The following PNMA1 variants were observed in gnomAD, a reference collection of about 807,000 sequenced individuals.
PNMA1 encodes the protein PNMA family member 1.
In PNMA1, 21 loss-of-function variants were observed where a neutral mutation model predicts 26.1. That is an observed-to-expected ratio of 0.80 (90% CI 0.57 to 1.16). The LOEUF (loss-of-function observed/expected upper bound fraction) is 1.16. PNMA1 is among the 50% of genes most tolerant of loss of function. PNMA1 has a pLI of 0.00. For synonymous variants in PNMA1, 189 were observed against 177.3 expected (o/e 1.07, Z -0.52); for missense variants, 435 against 437.3 (o/e 0.99, Z 0.05).
At position 73,712,736 on chromosome 14, in the gene PNMA1, C is replaced by T. The variant is rs2052829589; in HGVS notation, c.904G>A (p.Gly302Arg). The change falls in exon 1 of 1, where the codon GGG (glycine) becomes AGG (arginine). Residue 302 changes from glycine to arginine, a missense_variant. Coordinates refer to ENST00000316836, the MANE Select transcript of PNMA1 (RefSeq NM_006029.5). The stretch of plus-strand genomic sequence containing the variant: ...AGCCACAGCTGCCTTCGGATGGCCC[C>T]GCTGTGGTTGGCCCCGGCAATGACC... ...EQVIAGANHSGAIRRQLWLTG... is the reference protein window; with the variant it reads ...EQVIAGANHSRAIRRQLWLTG... 1 of 1,614,188 alleles carries T rather than the reference C, an allele frequency of 6.2e-7. No homozygotes were observed. Among genetic ancestry groups the T allele is most frequent in the Admixed American group, 1.7e-5 (1 of 60,034 alleles).
In PNMA1 at chr14:73,712,523, G is replaced by T; in HGVS notation, c.*55C>A. 4.8e-6 allele frequency: 6 copies of T among 1,237,424 alleles called. No homozygotes were observed. In the South Asian group the frequency reaches 8.4e-5, roughly 17 times the overall value. 76.7% of individuals were successfully genotyped at this position (1,237,424 alleles called of 1,614,324 possible). A position where few individuals can be genotyped will look rare whatever the true frequency, so the allele number is the denominator to read the frequency against. On this transcript the variant is annotated 3_prime_UTR_variant, in exon 1 of 1. Coordinates refer to ENST00000316836, the MANE Select transcript of PNMA1 (RefSeq NM_006029.5). The stretch of plus-strand genomic sequence containing the variant: ...GAGACACATCTGTAAGACCCCACAG[G>T]GACAAGAAAAGTAGCTGTGATCTAG...
rs778615637 is a variant in PNMA1 at position 73,712,746 on chromosome 14, G to A, written c.894C>T (p.Ala298=). ...GCCTTCGGATGGCCCCGCTGTGGTTGGCCCCGGCAATGACCTGCTCTAGGC... is the reference window on the plus strand; with the variant it reads ...GCCTTCGGATGGCCCCGCTGTGGTTAGCCCCGGCAATGACCTGCTCTAGGC... ...QARLEQVIAG[A]NHSGAIRRQL... is the part of the protein sequence containing the mutation. Residue 298 remains alanine (A), a synonymous_variant, in exon 1 of 1, where the codon GCC becomes GCT. Transcript: ENST00000316836. 5 of 1,614,100 alleles carry A rather than the reference G, an allele frequency of 3.1e-6. No homozygotes were observed. In the African/African-American group the frequency reaches 6.7e-5, roughly 22 times the overall value.
rs1292581864 is a variant in PNMA1 at position 73,713,309 on chromosome 14, T to C, written c.331A>G (p.Arg111Gly). The change falls in exon 1 of 1, where the codon AGA becomes GGA. Residue 111 changes from arginine (R) to glycine (G), a missense_variant. Arg to Gly is a moderately radical substitution (Grantham distance 125, BLOSUM62 -2). Transcript: ENST00000316836. ...FLERLHLFLA[R>G]EGWTVQDVAR... ...ACATCTTGCACGGTCCACCCCTCTC[T>C]AGCTAGGAAGAGGTGCAATCTTTCT... The C allele has an allele frequency of 6.2e-7, 1 of 1,614,192 alleles. No homozygotes were observed. Among genetic ancestry groups the C allele is most frequent in the Non-Finnish European group, 8.5e-7 (1 of 1,180,030 alleles).
Position 73,713,269 on chromosome 14 carries a change from C to T in PNMA1, c.371G>A (p.Gly124Glu), listed in dbSNP as rs750874873. ...WTVQDVARVL[G>E]FQNPTPTPGP... ...CGGGGTCGGAGTAGGGTTCTGAAAC[C>T]CAAGGACACGGGCAACATCTTGCAC... The change falls in exon 1 of 1, where the codon GGG becomes GAG. Residue 124 changes from glycine to glutamate, a missense_variant. By Grantham distance (98) the Gly-to-Glu change is moderately conservative. Coordinates refer to ENST00000316836, the MANE Select transcript of PNMA1 (RefSeq NM_006029.5). 9 of 1,614,036 alleles carry T rather than the reference C, an allele frequency of 5.6e-6. No individual in the cohort carries two copies. The Admixed American group carries it at 1.3e-4, about 24-fold the overall frequency.
At position 73,713,473 on chromosome 14, in the gene PNMA1, C is replaced by G; in HGVS notation, c.167G>C (p.Trp56Ser). The change falls in exon 1 of 1, where the codon TGG becomes TCG. Residue 56 changes from tryptophan (W) to serine (S), a missense_variant. By Grantham distance (177) the Trp-to-Ser change is radical. Transcript: ENST00000316836. ...VSYRMLGRMF[W>S]REENAKAALL... ...GGCTGCTTTCGCATTTTCTTCCCTC[C>G]AGAACATTCTCCCAAGCATTCGGTA... 4 of 1,614,208 alleles carry G rather than the reference C, an allele frequency of 2.5e-6. No homozygotes were observed. The highest frequency in any genetic ancestry group is 3.4e-6 in the Non-Finnish European group (4 of 1,180,046).
chr14:73,713,058 G>A lies in PNMA1; in HGVS notation c.582C>T (p.Ser194=), dbSNP rs538270747. 2 of 1,613,538 alleles carry A rather than the reference G, an allele frequency of 1.2e-6. No homozygotes were observed. The highest frequency in any genetic ancestry group is 2.7e-5 in the African/African-American group (2 of 74,878). ...TCAACCGCCGCCTCTTTTCTACATC[G>A]GACACCTGCCACTCCTCTAGGACCT... is the stretch of plus-strand genomic sequence containing the variant. The part of the protein sequence containing the change: ...TNEVLEEWQV[S]DVEKRRRLME... Residue 194 remains serine, a synonymous_variant, in exon 1 of 1, where the codon TCC becomes TCT. Coordinates refer to ENST00000316836, the MANE Select transcript of PNMA1 (RefSeq NM_006029.5).
In PNMA1 at chr14:73,712,706, C is replaced by T; in HGVS notation, c.934G>A (p.Gly312Arg). Reference protein sequence around the residue: ...GAIRRQLWLTGAGEGPAPNLF... With the variant: ...GAIRRQLWLTRAGEGPAPNLF... ...TTTGGGGCTGGCCCTTCCCCAGCCC[C>T]GGTAAGCCACAGCTGCCTTCGGATG... Residue 312 changes from glycine (G) to arginine (R), a missense_variant, in exon 1 of 1, where the codon GGG (glycine) becomes AGG (arginine). Physicochemically the swap from Gly to Arg is moderately radical, Grantham distance 125. Transcript: ENST00000316836. 1 of 1,614,090 alleles carries T rather than the reference C, an allele frequency of 6.2e-7. No homozygotes were observed. The highest frequency in any genetic ancestry group is 2.2e-5 in the East Asian group (1 of 44,882).
In PNMA1 at chr14:73,713,732, G is replaced by A. The variant is rs1306103877; in HGVS notation, c.-93C>T. On this transcript the variant is annotated 5_prime_UTR_variant, in exon 1 of 1. Coordinates refer to ENST00000316836, the MANE Select transcript of PNMA1 (RefSeq NM_006029.5). ...CAATACCAGACACTCCCACCAAGTA[G>A]GCCCGAGGGAGGCGACCTTCATGCA... 4.0e-6 allele frequency: 5 copies of A among 1,243,098 alleles called. No individual in the cohort carries two copies. The highest frequency in any genetic ancestry group is 3.0e-5 in the African/African-American group (2 of 66,596). The allele number at this position is 1,243,098 out of a possible 1,614,324, so 77.0% of individuals were successfully genotyped here. A position where few individuals can be genotyped will look rare whatever the true frequency, so the allele number is the denominator to read the frequency against.
chr14:73,712,902 G>A lies in PNMA1; in HGVS notation c.738C>T (p.Ala246=). The stretch of plus-strand genomic sequence containing the variant: ...GATAAGTGTTCAGAAATTTGATCTG[G>A]GCATCCCTAGAGCTCTCAACGCTCC... ...VFGSVESSRD[A]QIKFLNTYQN... is the part of the protein sequence containing the mutation. Residue 246 remains alanine, a synonymous_variant, in exon 1 of 1, where the codon GCC becomes GCT. Coordinates refer to ENST00000316836, the MANE Select transcript of PNMA1 (RefSeq NM_006029.5). 6.2e-7 allele frequency: 1 copy of A among 1,614,080 alleles called. No individual in the cohort carries two copies. Among genetic ancestry groups the A allele is most frequent in the Non-Finnish European group, 8.5e-7 (1 of 1,180,034 alleles).
chr14:73,712,178 C>A lies in PNMA1; in HGVS notation c.*400G>T. The A allele has an allele frequency of 5.6e-6, 1 of 178,560 alleles. No homozygotes were observed. Among genetic ancestry groups the A allele is most frequent in the Non-Finnish European group, 1.2e-5 (1 of 85,464 alleles). 11.1% of individuals were successfully genotyped at this position (178,560 alleles called of 1,614,324 possible). On this transcript the variant is annotated 3_prime_UTR_variant, in exon 1 of 1. Coordinates refer to ENST00000316836, the MANE Select transcript of PNMA1 (RefSeq NM_006029.5). ...GTTATCAGTAATCTAACAGTGCATA[C>A]TTTTACTGAACACTTCCTGTGAGCC...
In PNMA1 at chr14:73,713,013, G is replaced by T. The variant is rs200824271; in HGVS notation, c.627C>A (p.Pro209=). 42 of 1,613,926 alleles carry T rather than the reference G, an allele frequency of 2.6e-5. No homozygotes were observed. The highest frequency in any genetic ancestry group is 1.6e-4 in the Middle Eastern group (1 of 6,062). ...TAAGGATGCGAATAACATCAGCGGC[G>T]GGGCCTCTAAGACTCTCCATCAACC... The part of the protein sequence containing the change: ...RRRLMESLRG[P]AADVIRILKS... The change falls in exon 1 of 1, where the codon CCC becomes CCA. Residue 209 remains proline (P), a synonymous_variant. Transcript: ENST00000316836.
chr14:73,712,715 A>C lies in PNMA1; in HGVS notation c.925T>G (p.Trp309Gly), dbSNP rs200598387. 2 of 1,614,122 alleles carry C rather than the reference A, an allele frequency of 1.2e-6. No homozygotes were observed. The highest frequency in any genetic ancestry group is 1.7e-5 in the Admixed American group (1 of 60,014). ...NHSGAIRRQL[W>G]LTGAGEGPAP... Reference sequence around the variant, plus strand: ...GGCCCTTCCCCAGCCCCGGTAAGCCACAGCTGCCTTCGGATGGCCCCGCTG... The same window carrying C: ...GGCCCTTCCCCAGCCCCGGTAAGCCCCAGCTGCCTTCGGATGGCCCCGCTG... The change falls in exon 1 of 1, where the codon TGG becomes GGG. Residue 309 changes from tryptophan to glycine, a missense_variant. Physicochemically the swap from Trp to Gly is radical, Grantham distance 184. Coordinates refer to ENST00000316836, the MANE Select transcript of PNMA1 (RefSeq NM_006029.5).
In PNMA1 at chr14:73,712,954, C is replaced by T. The variant is rs961133457; in HGVS notation, c.686G>A (p.Cys229Tyr). ...AAACACCTGCTCAAGCGCCTTCAGG[C>T]ATTCGGCAGTGGTTATCGCGGGGTT... The part of the protein sequence containing the change: ...SNNPAITTAE[C>Y]LKALEQVFGS... The change falls in exon 1 of 1, where the codon TGC (cysteine) becomes TAC (tyrosine). Residue 229 changes from cysteine to tyrosine, a missense_variant. Cys to Tyr is a radical substitution (Grantham distance 194). Transcript: ENST00000316836. The T allele has an allele frequency of 1.2e-6, 2 of 1,614,256 alleles. No individual in the cohort carries two copies. The highest frequency in any genetic ancestry group is 1.7e-6 in the Non-Finnish European group (2 of 1,180,050).
chr14:73,713,755 G>A lies in PNMA1; in HGVS notation c.-116C>T, dbSNP rs2052842869. ...TAGGCCCGAGGGAGGCGACCTTCAT[G>A]CAGTCACGATTAACAAAGACAGAGT... On this transcript the variant is annotated 5_prime_UTR_variant, in exon 1 of 1. Transcript: ENST00000316836. 1.1e-6 allele frequency: 1 copy of A among 923,316 alleles called. No individual in the cohort carries two copies. Among genetic ancestry groups the A allele is most frequent in the Non-Finnish European group, 1.7e-6 (1 of 594,444 alleles). The allele number at this position is 923,316 out of a possible 1,614,324, so 57.2% of individuals were successfully genotyped here. A position where few individuals can be genotyped will look rare whatever the true frequency, so the allele number is the denominator to read the frequency against.
In PNMA1 at chr14:73,712,603, T is replaced by G. The variant is rs753204195; in HGVS notation, c.1037A>C (p.Gln346Pro). The change falls in exon 1 of 1, where the codon CAG (glutamine) becomes CCG (proline). Residue 346 changes from glutamine to proline, a missense_variant. By Grantham distance (76) the Gln-to-Pro change is moderately conservative. Coordinates refer to ENST00000316836, the MANE Select transcript of PNMA1 (RefSeq NM_006029.5). ...EEEEAEATLL[Q>P]LGLEGHF ...TCAGAAGTGCCCTTCCAGGCCTAACTGCAGAAGGGTGGCCTCAGCCTCCTC... is the reference window on the plus strand; with the variant it reads ...TCAGAAGTGCCCTTCCAGGCCTAACGGCAGAAGGGTGGCCTCAGCCTCCTC... 2 of 1,609,116 alleles carry G rather than the reference T, an allele frequency of 1.2e-6. No individual in the cohort carries two copies. Among genetic ancestry groups the G allele is most frequent in the South Asian group, 2.2e-5 (2 of 90,518 alleles).
chr14:73,713,745 C>A lies in PNMA1; in HGVS notation c.-106G>T. 2.9e-6 allele frequency: 3 copies of A among 1,028,348 alleles called. No homozygotes were observed. The highest frequency in any genetic ancestry group is 4.4e-6 in the Non-Finnish European group (3 of 688,952). 63.7% of individuals were successfully genotyped at this position (1,028,348 alleles called of 1,614,324 possible). ...TCCCACCAAGTAGGCCCGAGGGAGG[C>A]GACCTTCATGCAGTCACGATTAACA... On this transcript the variant is annotated 5_prime_UTR_variant, in exon 1 of 1. Transcript: ENST00000316836.
At position 73,713,739 on chromosome 14, in the gene PNMA1, G is replaced by A. The variant is rs2052842803; in HGVS notation, c.-100C>T. On this transcript the variant is annotated 5_prime_UTR_variant, in exon 1 of 1. Transcript: ENST00000316836. ...AGACACTCCCACCAAGTAGGCCCGA[G>A]GGAGGCGACCTTCATGCAGTCACGA... 8.9e-7 allele frequency: 1 copy of A among 1,121,086 alleles called. No homozygotes were observed. The highest frequency in any genetic ancestry group is 1.3e-6 in the Non-Finnish European group (1 of 773,032). 69.4% of individuals were successfully genotyped at this position (1,121,086 alleles called of 1,614,324 possible).
rs1455956711 is a variant in PNMA1, at chr14:73,711,975, GTATTTT to G, written c.*597_*602del. The G allele has an allele frequency of 1.0e-4, 16 of 152,580 alleles. No individual in the cohort carries two copies. Among genetic ancestry groups the G allele is most frequent in the Admixed American group, 9.8e-4 (15 of 15,312 alleles). 9.5% of individuals were successfully genotyped at this position (152,580 alleles called of 1,614,324 possible). Reference sequence around the variant, plus strand: ...TGGTTTACACAGCTCCGTAACTGCAGTATTTTTTAACACCCCATTTTGCAGTCTCAG... The same window carrying G: ...TGGTTTACACAGCTCCGTAACTGCAGTTAACACCCCATTTTGCAGTCTCAG... On this transcript the variant is annotated 3_prime_UTR_variant, in exon 1 of 1. Transcript: ENST00000316836.
In PNMA1 at chr14:73,713,829, G is replaced by A; in HGVS notation, c.-190C>T. Reference sequence around the variant, plus strand: ...CCACAGTCAGTCCGTAGGTGCACTCGGAGCCGAGCTCGGGGACGCTGAGGC... The same window carrying A: ...CCACAGTCAGTCCGTAGGTGCACTCAGAGCCGAGCTCGGGGACGCTGAGGC... On this transcript the variant is annotated 5_prime_UTR_variant, in exon 1 of 1. Transcript: ENST00000316836. The A allele has an allele frequency of 1.9e-6, 1 of 515,400 alleles. No individual in the cohort carries two copies. Among genetic ancestry groups the A allele is most frequent in the Non-Finnish European group, 3.4e-6 (1 of 291,002 alleles). 31.9% of individuals were successfully genotyped at this position (515,400 alleles called of 1,614,324 possible). A position where few individuals can be genotyped will look rare whatever the true frequency, so the allele number is the denominator to read the frequency against.
Sources: gnomAD v4.1 joint callset for allele counts on GRCh38, gnomAD v4.1.1 for gene constraint, MANE v1.5 for transcripts, NCBI Gene and HGNC (gene_info 2026-07-23, HGNC 2026-07-21) for gene names.